The following PTGR1 variants were observed in gnomAD, a reference collection of about 807,000 sequenced individuals.
PTGR1 encodes the protein prostaglandin reductase 1.
PTGR1 carries 23 observed loss-of-function variants against 37.7 expected under a neutral mutation model. That is an observed-to-expected ratio of 0.61 (90% CI 0.44 to 0.86). The LOEUF is 0.86. Ranked by LOEUF, PTGR1 falls within the 40% of genes least tolerant of loss-of-function variation. The probability of loss-of-function intolerance (pLI) is 0.00; values close to 1 mark genes in which losing one functional copy is unlikely to be tolerated. For missense variants in PTGR1, 351 were observed against 394.3 expected (o/e 0.89, Z 0.93); for synonymous variants, 134 against 140.0 (o/e 0.96, Z 0.30).
intron 4 of PTGR1, chr9:111,592,638 G>A: frequency 3.5e-6 from 1 of 287,452 alleles, no homozygotes; most frequent in East Asian, 6.8e-5. Context: ...ATTGTGGGCT[G>A]CTGGCCAGAT....
chr9:111,565,392 G>T, intron 9 of PTGR1, among the ~76,000 whole-genome samples: 1 of 152,100 alleles, frequency 6.6e-6, no homozygotes, highest in Middle Eastern at 3.2e-3. Flanking sequence ...ACTTTATTTT[G>T]GTAGACCTAA....
chr9:111,578,742 G>C, intron 7 of PTGR1, 54 bp downstream of exon 7: 1 of 1,498,910 alleles, frequency 6.7e-7, no homozygotes, highest in Non-Finnish European at 9.0e-7. Flanking sequence ...GGAGACTCCT[G>C]CTTTATATAG....
intron 9 of PTGR1, among the ~76,000 whole-genome samples, chr9:111,552,540 A>G (rs1446384709): frequency 2.0e-5 from 3 of 152,202 alleles, no homozygotes; most frequent in African/African-American, 7.2e-5. Context: ...ATAGAAACTA[A>G]CTTTTCTGTC....
At chr9:111,557,226 T>G (rs147725815) in intron 9 of PTGR1, among the ~76,000 whole-genome samples, 1 of 151,888 alleles carries the variant, frequency 6.6e-6, no homozygotes, top group East Asian at 2.0e-4. Flanking sequence ...ATCCAAAAAT[T>G]AGCCGGGCAT....
downstream of PTGR1, among the ~76,000 whole-genome samples, chr9:111,558,840 C>G (rs1828195961): frequency 4.6e-5 from 7 of 152,156 alleles, no homozygotes; most frequent in Admixed American, 3.3e-4. Flanking sequence ...CAAGGTTCTT[C>G]CCATGTTTGT....
In PTGR1 at chr9:111,554,184, C is replaced by T. The variant is rs141608929; in HGVS notation, c.880-4385G>A. Among the ~76,000 whole-genome samples, 687 of 152,300 alleles carry T rather than the reference C, an allele frequency of 4.5e-3. 8 individuals carry two copies. The highest frequency in any genetic ancestry group is 0.016 in the African/African-American group (655 of 41,564). The stretch of plus-strand genomic sequence containing the variant: ...AACTACTACTATTATGTTATTGGAA[C>T]TAACTACTTAGCAAATGGAATTGAT... On this transcript the variant is annotated intron_variant, in intron 9 of 9. Coordinates refer to the PTGR1 transcript ENST00000538962.
chr9:111,577,567 G>A (rs992597639), intron 7 of PTGR1: 5 of 152,184 alleles, frequency 3.3e-5, no homozygotes, highest in African/African-American at 1.2e-4. Flanking sequence ...CCATCAGGCT[G>A]GGTGTGGTGG....
At chr9:111,586,814 T>C (rs1829446055) in intron 4 of PTGR1, among the ~76,000 whole-genome samples, 1 of 150,126 alleles carries the variant, frequency 6.7e-6, no homozygotes, top group African/African-American at 2.4e-5. Flanking sequence ...TATATATATA[T>C]ATATATGCAT....
chr9:111,591,375 T>C (rs139688352), intron 4 of PTGR1, among the ~76,000 whole-genome samples: 10,834 of 144,568 alleles, frequency 0.075, 558 homozygotes, highest in East Asian at 0.23. Context: ...TTTTTCTTTT[T>C]TTTTTTTTTT....
At chr9:111,584,180 G>A (rs1238594533) in intron 5 of PTGR1, among the ~76,000 whole-genome samples, 2 of 152,240 alleles carry the variant, frequency 1.3e-5, no homozygotes, top group East Asian at 3.8e-4. Context: ...CAGTACTGAT[G>A]GGGACTGGGT....
chr9:111,566,577 A>G (rs1828571834), intron 9 of PTGR1, among the ~76,000 whole-genome samples: 1 of 152,238 alleles, frequency 6.6e-6, no homozygotes, highest in African/African-American at 2.4e-5. Context: ...TACATGGTGT[A>G]AGGTTTGAAA....
intron 9 of PTGR1, among the ~76,000 whole-genome samples, chr9:111,556,070 C>T (rs1194071291): frequency 2.0e-5 from 3 of 152,260 alleles, no homozygotes; most frequent in Non-Finnish European, 4.4e-5. Context: ...AACAGGGGTA[C>T]AGACACTGGG....
At chr9:111,558,772 T>C (rs926746982), downstream of PTGR1, among the ~76,000 whole-genome samples, 2 of 152,140 alleles carry the variant, frequency 1.3e-5, no homozygotes, top group Non-Finnish European at 2.9e-5. Flanking sequence ...TTTTTTTGTC[T>C]CATACACATT....
chr9:111,561,992 T>C (rs558184596), downstream of PTGR1, among the ~76,000 whole-genome samples: 1 of 150,852 alleles, frequency 6.6e-6, no homozygotes. Flanking sequence ...CTCAAGCGAT[T>C]TTCCTGCCTC....
chr9:111,587,451 G>GTATT (rs900350541), intron 4 of PTGR1, among the ~76,000 whole-genome samples: 2 of 152,128 alleles, frequency 1.3e-5, no homozygotes, highest in Non-Finnish European at 2.9e-5. Flanking sequence ...CTATATGTAT[G>GTATT]TATTTATTTA....
chr9:111,594,101 G>T, intron 3 of PTGR1, 121 bp downstream of exon 3: 1 of 1,057,464 alleles, frequency 9.5e-7, no homozygotes. Flanking sequence ...ACTGATACTG[G>T]CTGGGAGAAA....
At chr9:111,570,607 T>A (rs1396623292) in intron 8 of PTGR1, among the ~76,000 whole-genome samples, 2 of 149,306 alleles carry the variant, frequency 1.3e-5, no homozygotes, top group Admixed American at 6.7e-5. Context: ...CCGTCTCTTC[T>A]AAAAATTAAA....
chr9:111,554,169 A>G (rs535116810), intron 9 of PTGR1, among the ~76,000 whole-genome samples: 4 of 152,288 alleles, frequency 2.6e-5, no homozygotes, highest in African/African-American at 9.6e-5. Flanking sequence ...AACTACTACT[A>G]TTATGTTATT....
At chr9:111,552,843 C>G (rs1353756363) in intron 9 of PTGR1, among the ~76,000 whole-genome samples, 1 of 152,000 alleles carries the variant, frequency 6.6e-6, no homozygotes. Context: ...CATGTATATC[C>G]AAGAGCAAAA....
Sources: allele counts gnomAD v4.1 joint callset (sites outside exome capture counted in the v4.1 genomes callset), GRCh38; gene constraint gnomAD v4.1.1; transcripts MANE v1.5; gene names NCBI Gene and HGNC (gene_info 2026-07-23, HGNC 2026-07-21).